PID1: variants seen among roughly 807,000 people sequenced by gnomAD.
PID1 encodes the protein phosphotyrosine interaction domain containing 1, also known as PTB-containing, cubilin and LRP1-interacting protein.
Under a neutral mutation model 19.1 loss-of-function variants are expected in PID1, and 10 were observed. That is an observed-to-expected ratio of 0.52 (90% confidence interval 0.32 to 0.89). PID1 has a LOEUF of 0.89. PID1 is among the 40% of genes least tolerant of loss of function. PID1 has a pLI of 0.03. For synonymous variants in PID1, 130 were observed against 116.0 expected, an observed-to-expected ratio of 1.12 and a Z score of -0.78; for missense variants, 248 against 285.3, an observed-to-expected ratio of 0.87 and a Z score of 0.94.
At chr2:229,252,792 A>C (rs753755212) in intron 1 of PID1, among the ~76,000 whole-genome samples, 4 of 152,124 alleles carry the variant, frequency 2.6e-5, no homozygotes, top group Non-Finnish European at 4.4e-5. Context: ...TACTAATTTG[A>C]ATTTCTTTGG....
chr2:229,146,082 GC>G (rs1690123520), intron 2 of PID1, among the ~76,000 whole-genome samples: 2 of 152,132 alleles, frequency 1.3e-5, no homozygotes, highest in Admixed American at 1.3e-4. Context: ...CTTCATCCAT[GC>G]CCTTGCAAAG....
intron 1 of PID1, among the ~76,000 whole-genome samples, chr2:229,218,435 A>C (rs1325805288): frequency 6.6e-6 from 1 of 152,156 alleles, no homozygotes; most frequent in Non-Finnish European, 1.5e-5. Flanking sequence ...TCGTAATCAC[A>C]GAGTAACTCT....
intron 2 of PID1, among the ~76,000 whole-genome samples, chr2:229,138,983 GA>G (rs1689917444): frequency 2.5e-5 from 1 of 39,312 alleles, no homozygotes. Flanking sequence ...AAAAATAGAA[GA>G]AAGAAAGAAA....
At chr2:229,150,721 A>T (rs1481481367) in intron 2 of PID1, among the ~76,000 whole-genome samples, 1 of 152,114 alleles carries the variant, frequency 6.6e-6, no homozygotes, top group Non-Finnish European at 1.5e-5. Context: ...TTGCTTTAAC[A>T]GTATAAGCAC....
At chr2:229,239,724 A>T (rs1689822034) in intron 1 of PID1, among the ~76,000 whole-genome samples, 1 of 152,198 alleles carries the variant, frequency 6.6e-6, no homozygotes, top group African/African-American at 2.4e-5. Context: ...GAATTATTTC[A>T]AGACATTGAA....
chr2:229,194,711 G>T (rs779257467), intron 1 of PID1, among the ~76,000 whole-genome samples: 1 of 151,750 alleles, frequency 6.6e-6, no homozygotes, highest in South Asian at 2.1e-4. Flanking sequence ...AATACATATC[G>T]GTTAATGTAT....
At chr2:229,215,746 A>C (rs1691832186) in intron 1 of PID1, among the ~76,000 whole-genome samples, 1 of 152,242 alleles carries the variant, frequency 6.6e-6, no homozygotes, top group Non-Finnish European at 1.5e-5. Context: ...TATGGCAGAG[A>C]AATGTTATGA....
chr2:229,187,265 G>T (rs1272295686), intron 1 of PID1, among the ~76,000 whole-genome samples: 1 of 152,056 alleles, frequency 6.6e-6, no homozygotes, highest in African/African-American at 2.4e-5. Context: ...CCTCATTTTT[G>T]GGTATCTTTT....
At chr2:229,204,172 G>A (rs1017394369) in intron 1 of PID1, among the ~76,000 whole-genome samples, 1 of 152,102 alleles carries the variant, frequency 6.6e-6, no homozygotes, top group African/African-American at 2.4e-5. Context: ...AGGAGGTCAA[G>A]TCTATTTATC....
At chr2:229,107,395 G>C (rs951455893) in intron 2 of PID1, among the ~76,000 whole-genome samples, 1 of 151,446 alleles carries the variant, frequency 6.6e-6, no homozygotes, top group African/African-American at 2.4e-5. Flanking sequence ...ATGGGAATAG[G>C]AGACAATGAA....
chr2:229,232,916 A>C (rs182054989), intron 1 of PID1, among the ~76,000 whole-genome samples: 6 of 151,902 alleles, frequency 3.9e-5, no homozygotes, highest in Admixed American at 3.9e-4. Context: ...AACTAAAGCA[A>C]CAGAAAGTCA....
At chr2:229,228,135 C>T (rs749252578) in intron 1 of PID1, 4 of 443,500 alleles carry the variant, frequency 9.0e-6, no homozygotes, top group African/African-American at 8.1e-5. Context: ...GATAAAGAAC[C>T]TGCAATTTTG....
At chr2:229,155,452 A>G in intron 2 of PID1, among the ~76,000 whole-genome samples, 1 of 152,044 alleles carries the variant, frequency 6.6e-6, no homozygotes. Flanking sequence ...TGTAGCCTGT[A>G]GTCCCAGCTA....
chr2:229,212,321 T>G (rs1302596643), intron 1 of PID1, among the ~76,000 whole-genome samples: 2 of 152,196 alleles, frequency 1.3e-5, no homozygotes, highest in Non-Finnish European at 2.9e-5. Flanking sequence ...CAAGAGTAAG[T>G]AGAAATTCAT....
intron 2 of PID1, among the ~76,000 whole-genome samples, chr2:229,140,709 A>AAGC (rs1689993837): frequency 1.3e-5 from 2 of 152,170 alleles, no homozygotes; most frequent in African/African-American, 2.4e-5. Flanking sequence ...CATCATAATA[A>AAGC]CAAGATATAC....
At chr2:229,159,931 G>A (rs968320304) in intron 1 of PID1, among the ~76,000 whole-genome samples, 1 of 152,120 alleles carries the variant, frequency 6.6e-6, no homozygotes, top group Admixed American at 6.5e-5. Flanking sequence ...AGCCACATAG[G>A]TCACTGAGAG....
intron 2 of PID1, among the ~76,000 whole-genome samples, chr2:229,144,828 ATGTTTAGTT>A (rs1433813425): frequency 6.6e-6 from 1 of 152,072 alleles, no homozygotes; most frequent in East Asian, 1.9e-4. Flanking sequence ...AAAATATTTT[ATGTTTAGTT>A]TTTTTCACTG....
intron 2 of PID1, among the ~76,000 whole-genome samples, chr2:229,112,135 C>T (rs1209874917): frequency 4.6e-5 from 7 of 152,134 alleles, no homozygotes; most frequent in African/African-American, 1.7e-4. Flanking sequence ...TCCATTATTT[C>T]GATGTTAAAA....
At position 229,266,811 on chromosome 2, in the gene PID1, A is replaced by G. The variant is rs148295173; in HGVS notation, c.30+4203T>C. ...AGCTCCTCGGCACAGTGCCACACAC[A>G]GTGCCTGCACCACAAAAGCAGGTTA... On this transcript the variant is annotated intron_variant, in intron 1 of 2. Transcript: ENST00000392055. Among the ~76,000 whole-genome samples, 219 of 152,358 alleles carry G rather than the reference A, an allele frequency of 1.4e-3. 3 individuals are homozygous for G. Among genetic ancestry groups the G allele is most frequent in the East Asian group, 0.013 (70 of 5,186 alleles).
Sources: gnomAD v4.1 joint callset for allele counts (sites outside exome capture counted in the v4.1 genomes callset) on GRCh38, gnomAD v4.1.1 for gene constraint, MANE v1.5 for transcripts, NCBI Gene and HGNC (gene_info 2026-07-23, HGNC 2026-07-21) for gene names.